The following SNX27 variants were observed in gnomAD, a reference collection of about 807,000 sequenced individuals.
SNX27 encodes the protein sorting nexin 27, also known as sorting nexin-27.
A neutral mutation model predicts 71.6 loss-of-function variants in SNX27; 22 were observed. The observed-to-expected ratio is 0.31, with a 90% CI of 0.22 to 0.44. The LOEUF is 0.44. SNX27 is among the 20% of genes least tolerant of loss of function. SNX27 has a pLI of 1.00. For synonymous variants in SNX27, 269 were observed against 277.2 expected, an observed-to-expected ratio of 0.97 and a Z score of 0.29; for missense variants, 531 against 698.6, an observed-to-expected ratio of 0.76 and a Z score of 2.70.
intron 5 of SNX27, chr1:151,662,843 G>C (rs972546285): frequency 6.6e-6 from 1 of 151,954 alleles, no homozygotes; most frequent in Non-Finnish European, 1.5e-5. Flanking sequence ...ATAGTATAAT[G>C]AATCTCCATA....
chr1:151,662,872 A>G (rs370095224), intron 5 of SNX27: 1 of 149,616 alleles, frequency 6.7e-6, no homozygotes, highest in African/African-American at 2.4e-5. Flanking sequence ...ATTTATATTT[A>G]ATAATTATCA....
chr1:151,637,360 A>G (rs1469356886), intron 1 of SNX27, among the ~76,000 whole-genome samples: 1 of 151,774 alleles, frequency 6.6e-6, no homozygotes, highest in Non-Finnish European at 1.5e-5. Flanking sequence ...TTGTATTTTT[A>G]GTAGAGACAG....
intron 7 of SNX27, among the ~76,000 whole-genome samples, chr1:151,673,959 A>G (rs185682311): frequency 9.9e-5 from 15 of 152,212 alleles, no homozygotes; most frequent in African/African-American, 3.6e-4. Flanking sequence ...TGTAGACAAC[A>G]GATCAGTGGT....
chr1:151,695,605 T>G lies in SNX27; in HGVS notation c.*1188T>G, dbSNP rs1308136. On this transcript the variant is annotated 3_prime_UTR_variant, in exon 12 of 12. Transcript: ENST00000458013. ...TGGCTAATTCTTCTTAAAATTTTTT[T>G]GTAGAGACAGGGTCTCACTATGTTG... The G allele has an allele frequency of 0.048, 7,244 of 151,788 alleles. 598 individuals carry two copies. Among genetic ancestry groups the G allele is most frequent in the East Asian group, 0.34 (1,724 of 5,108 alleles). The allele number at this position is 151,788 out of a possible 1,614,324, so 9.4% of individuals were successfully genotyped here.
At chr1:151,692,636 C>T (rs767188405) in intron 9 of SNX27, 52 bp downstream of exon 9, 56 of 1,581,966 alleles carry the variant, frequency 3.5e-5, no homozygotes, top group Non-Finnish European at 4.7e-5. Context: ...TACTTTGATG[C>T]TCACTTGCTT....
intron 2 of SNX27, among the ~76,000 whole-genome samples, chr1:151,654,568 G>A (rs1336177299): frequency 6.6e-6 from 1 of 152,098 alleles, no homozygotes; most frequent in African/African-American, 2.4e-5. Context: ...TGAATGAGAG[G>A]ATTTACTGCC....
chr1:151,673,711 G>T (rs996741874), intron 7 of SNX27, among the ~76,000 whole-genome samples: 5 of 152,072 alleles, frequency 3.3e-5, no homozygotes, highest in African/African-American at 1.2e-4. Context: ...ATATGTCAGG[G>T]TGCTCCAGTT....
chr1:151,630,152 A>G (rs1668155167), intron 1 of SNX27, among the ~76,000 whole-genome samples: 1 of 151,472 alleles, frequency 6.6e-6, no homozygotes, highest in Non-Finnish European at 1.5e-5. Context: ...GGATTATTTC[A>G]TTTATTCTTA....
At chr1:151,623,440 T>A (rs1571762316) in intron 1 of SNX27, among the ~76,000 whole-genome samples, 2 of 151,954 alleles carry the variant, frequency 1.3e-5, no homozygotes, top group East Asian at 3.9e-4. Context: ...GCGCCCAGTA[T>A]TTTTTAATAG....
chr1:151,679,569 G>A (rs943247812), intron 7 of SNX27: 2 of 152,162 alleles, frequency 1.3e-5, no homozygotes, highest in African/African-American at 2.4e-5. Flanking sequence ...TTTAGAAAAT[G>A]AATGTCTAAG....
At chr1:151,690,223 G>A (rs77927512) in intron 8 of SNX27, among the ~76,000 whole-genome samples, 27 of 152,226 alleles carry the variant, frequency 1.8e-4, no homozygotes, top group Middle Eastern at 3.4e-3. Context: ...ACCCAGCTTC[G>A]ATAGCCTTCG....
chr1:151,650,245 C>G (rs925766201), intron 2 of SNX27, among the ~76,000 whole-genome samples: 4 of 152,096 alleles, frequency 2.6e-5, no homozygotes, highest in African/African-American at 9.7e-5. Flanking sequence ...CCAGGCTATT[C>G]TCACACTCTC....
At position 151,633,517 on chromosome 1, in the gene SNX27, C is replaced by CA. The variant is rs199765951; in HGVS notation, c.312-5368dup. On this transcript the variant is annotated intron_variant, in intron 1 of 11. Transcript: ENST00000458013. ...TTCGCCTTGTTGCCCAGGCTGGTCT[C>CA]AAACTCCTGAGCTCAAGTGATCCGC... Among the ~76,000 whole-genome samples, 49 of 151,628 alleles carry CA rather than the reference C, an allele frequency of 3.2e-4. 2 individuals carry two copies. In the East Asian group the frequency reaches 8.8e-3, roughly 27 times the overall value.
intron 1 of SNX27, among the ~76,000 whole-genome samples, chr1:151,620,234 AG>A (rs1179483664): frequency 6.6e-6 from 1 of 152,210 alleles, no homozygotes; most frequent in Non-Finnish European, 1.5e-5. Context: ...AATCCCAAGA[AG>A]TTTGGATTTT....
chr1:151,651,164 C>A (rs1434501448), intron 2 of SNX27, among the ~76,000 whole-genome samples: 1 of 151,954 alleles, frequency 6.6e-6, no homozygotes, highest in Admixed American at 6.5e-5. Context: ...CTCCTCACTT[C>A]CCAGTAGGGG....
At chr1:151,627,688 A>T (rs1051233791) in intron 1 of SNX27, among the ~76,000 whole-genome samples, 1 of 152,058 alleles carries the variant, frequency 6.6e-6, no homozygotes, top group Non-Finnish European at 1.5e-5. Context: ...TTGGCTTCCC[A>T]AAGTGCTAGG....
intron 1 of SNX27, among the ~76,000 whole-genome samples, chr1:151,620,255 A>G (rs984262225): frequency 2.6e-5 from 4 of 152,218 alleles, no homozygotes; most frequent in African/African-American, 7.2e-5. Flanking sequence ...TTTTCTCTTT[A>G]TGAGCTCAGA....
intron 7 of SNX27, chr1:151,669,338 A>G (rs1190829158): frequency 2.0e-5 from 3 of 152,232 alleles, no homozygotes; most frequent in Non-Finnish European, 4.4e-5. Flanking sequence ...ACAGAGCCAT[A>G]TAATAAACAC....
At chr1:151,624,926 T>A (rs1667850178) in intron 1 of SNX27, among the ~76,000 whole-genome samples, 1 of 152,164 alleles carries the variant, frequency 6.6e-6, no homozygotes, top group Admixed American at 6.5e-5. Context: ...TAAACTCTTG[T>A]TACTTCTGGC....
Sources: gnomAD v4.1 joint callset for allele counts (sites outside exome capture counted in the v4.1 genomes callset) on GRCh38, gnomAD v4.1.1 for gene constraint, MANE v1.5 for transcripts, NCBI Gene and HGNC (gene_info 2026-07-23, HGNC 2026-07-21) for gene names.